The following LPP variants were observed in gnomAD, a reference collection of about 807,000 sequenced individuals.
LPP encodes lipoma-preferred partner.
LPP carries 38 observed loss-of-function variants against 60.4 expected under a neutral mutation model. The observed-to-expected ratio is 0.63, with a 90% CI of 0.49 to 0.83. LPP has a LOEUF of 0.83. Ranked by LOEUF, LPP falls within the 40% of genes least tolerant of loss-of-function variation. The pLI, the probability that LPP is intolerant of heterozygous loss-of-function variation, is 0.00. For synonymous variants in LPP, 328 were observed against 290.8 expected (o/e 1.13, Z -1.30); for missense variants, 902 against 783.6 (o/e 1.15, Z -1.80).
chr3:188,349,694 T>C (rs16863200), intron 3 of LPP, among the ~76,000 whole-genome samples: 8,893 of 152,296 alleles, frequency 0.058, 681 homozygotes, highest in African/African-American at 0.18. Context: ...GCCTGCCCCA[T>C]GGATGGCACG....
chr3:188,382,650 C>T (rs142081588), intron 3 of LPP, among the ~76,000 whole-genome samples: 1 of 152,146 alleles, frequency 6.6e-6, no homozygotes, highest in African/African-American at 2.4e-5. Flanking sequence ...TTCTTTTTAA[C>T]CCTCCTTCAT....
chr3:188,351,580 G>A (rs1056117528), intron 3 of LPP, among the ~76,000 whole-genome samples: 1 of 152,194 alleles, frequency 6.6e-6, no homozygotes, highest in African/African-American at 2.4e-5. Context: ...GACAGGCCTT[G>A]TGACAGGTGT....
At chr3:188,287,591 C>T (rs530582068) in intron 2 of LPP, among the ~76,000 whole-genome samples, 11 of 152,006 alleles carry the variant, frequency 7.2e-5, no homozygotes, top group South Asian at 2.1e-4. Context: ...TTCCCTTTTT[C>T]GGGGGACTGG....
chr3:188,703,695 A>G (rs2149627699), intron 7 of LPP, among the ~76,000 whole-genome samples: 1 of 152,342 alleles, frequency 6.6e-6, no homozygotes, highest in Middle Eastern at 3.4e-3. Flanking sequence ...CTAACAGAAA[A>G]TAGCCTTTCC....
rs555281070 is a variant in LPP at position 188,478,874 on chromosome 3, A to G, written c.194-5718A>G. Among the ~76,000 whole-genome samples the G allele has an allele frequency of 1.4e-3, 210 of 152,046 alleles. 1 individual carries two copies. Among genetic ancestry groups the G allele is most frequent in the African/African-American group, 3.7e-3 (154 of 41,484 alleles). On this transcript the variant is annotated intron_variant, in intron 4 of 11. Transcript: ENST00000617246. ...GGTTCAAGCAATTCTCTGCCTCAGC[A>G]TCCTGAGTAGCTGGGATTACAGGCT...
chr3:188,505,293 C>T (rs1039896847), intron 5 of LPP, among the ~76,000 whole-genome samples: 2 of 152,162 alleles, frequency 1.3e-5, no homozygotes, highest in African/African-American at 4.8e-5. Flanking sequence ...GAACTAACTT[C>T]CTTAATTCCT....
intron 4 of LPP, among the ~76,000 whole-genome samples, chr3:188,422,891 A>AT (rs1316108714): frequency 1.6e-5 from 2 of 121,432 alleles, no homozygotes; most frequent in African/African-American, 6.5e-5. Context: ...TCCTTACCAT[A>AT]TTTTTCTTTT....
intron 9 of LPP, among the ~76,000 whole-genome samples, chr3:188,804,120 G>C (rs772579409): frequency 5.3e-5 from 8 of 150,012 alleles, no homozygotes; most frequent in Non-Finnish European, 1.2e-4. Context: ...GTATAGATAA[G>C]ATTGATCTTT....
chr3:188,780,020 T>C (rs955119436), intron 9 of LPP, among the ~76,000 whole-genome samples: 3 of 152,116 alleles, frequency 2.0e-5, no homozygotes, highest in Non-Finnish European at 4.4e-5. Flanking sequence ...AACATAGAGC[T>C]GGTTGGATGA....
chr3:188,501,476 G>C (rs567977619), intron 5 of LPP, among the ~76,000 whole-genome samples: 3 of 152,126 alleles, frequency 2.0e-5, no homozygotes, highest in African/African-American at 7.2e-5. Context: ...TTGGCCGGGC[G>C]TGGTGGCTCA....
rs1348913084 is a variant in LPP, at chr3:188,877,872, A to T, written c.*3393A>T. The T allele has an allele frequency of 4.6e-6, 1 of 215,844 alleles. No homozygotes were observed. Among genetic ancestry groups the T allele is most frequent in the African/African-American group, 2.3e-5 (1 of 44,398 alleles). 13.4% of individuals were successfully genotyped at this position (215,844 alleles called of 1,614,324 possible). ...TTTTTCTTGTCATTAACACATTGTT[A>T]TTTCTGTAGGAGCAACTTCTCTGAT... is the stretch of plus-strand genomic sequence containing the variant. On this transcript the variant is annotated 3_prime_UTR_variant, in exon 12 of 12. Coordinates refer to ENST00000617246, the MANE Select transcript of LPP (RefSeq NM_001375462.1).
intron 6 of LPP, among the ~76,000 whole-genome samples, chr3:188,552,685 T>G (rs1828464494): frequency 6.6e-6 from 1 of 152,108 alleles, no homozygotes; most frequent in African/African-American, 2.4e-5. Context: ...GACATTGCAT[T>G]TCTCTGACCA....
chr3:188,668,035 C>A (rs1856177825), intron 7 of LPP, among the ~76,000 whole-genome samples: 1 of 151,922 alleles, frequency 6.6e-6, no homozygotes, highest in African/African-American at 2.4e-5. Context: ...ACTTAAAAGC[C>A]AGTATAAAAA....
intron 2 of LPP, among the ~76,000 whole-genome samples, chr3:188,271,211 C>T (rs894720134): frequency 5.9e-5 from 9 of 152,152 alleles, no homozygotes; most frequent in Non-Finnish European, 1.0e-4. Context: ...ATTTCTTGCT[C>T]GGGGTAGAGA....
rs1319457937 is a variant in LPP, at chr3:188,236,972, T to A, written c.-67+11445T>A. ...CTTCTCTGTAGCATGTGATAATGCA[T>A]AATATCATTTTACCTTCAAGAAAAC... On this transcript the variant is annotated intron_variant, in intron 2 of 11. Coordinates refer to ENST00000617246, the MANE Select transcript of LPP (RefSeq NM_001375462.1). Among the ~76,000 whole-genome samples, 4 of 152,350 alleles carry A rather than the reference T, an allele frequency of 2.6e-5. No individual in the cohort carries two copies. The East Asian group carries it at 5.8e-4, about 22-fold the overall frequency.
intron 1 of LPP, among the ~76,000 whole-genome samples, chr3:188,160,074 G>T (rs571231958): frequency 6.6e-6 from 1 of 151,758 alleles, no homozygotes; most frequent in Non-Finnish European, 1.5e-5. Context: ...CACCACTCCC[G>T]GCTAATTTTT....
chr3:188,413,795 A>G (rs1327413664), intron 4 of LPP, among the ~76,000 whole-genome samples: 1 of 152,174 alleles, frequency 6.6e-6, no homozygotes, highest in African/African-American at 2.4e-5. Flanking sequence ...TGGTCAGTGC[A>G]GTTACATTCA....
At chr3:188,874,238 T>C in intron 11 of LPP, 113 bp from the exon 12 acceptor site, 1 of 861,372 alleles carries the variant, frequency 1.2e-6, no homozygotes, top group Non-Finnish European at 1.8e-6. Context: ...GCAGGAAGGA[T>C]AGTAAGTGGC....
intron 1 of LPP, among the ~76,000 whole-genome samples, chr3:188,174,125 C>A (rs1315474750): frequency 3.9e-5 from 6 of 152,178 alleles, no homozygotes; most frequent in Non-Finnish European, 7.3e-5. Flanking sequence ...AAATTCTCCC[C>A]TTAGAACTTA....
Sources: allele counts gnomAD v4.1 joint callset (sites outside exome capture counted in the v4.1 genomes callset), GRCh38; gene constraint gnomAD v4.1.1; transcripts MANE v1.5; gene names NCBI Gene and HGNC (gene_info 2026-07-23, HGNC 2026-07-21).